TIAM1: variants seen among roughly 807,000 people sequenced by gnomAD.
TIAM1 encodes rho guanine nucleotide exchange factor TIAM1.
In TIAM1, 65 loss-of-function variants were observed where a neutral mutation model predicts 163.5. The observed-to-expected ratio is 0.40, with a 90% confidence interval of 0.33 to 0.49. The LOEUF (loss-of-function observed/expected upper bound fraction) is 0.49, where lower values mean the gene tolerates loss of function less well. Ranked by LOEUF, TIAM1 falls within the 20% of genes least tolerant of loss-of-function variation. The pLI, the probability that TIAM1 is intolerant of heterozygous loss-of-function variation, is 0.77. For synonymous variants in TIAM1, 833 were observed against 810.1 expected, an observed-to-expected ratio of 1.03 and a Z score of -0.48; for missense variants, 1,789 against 2,044.7, an observed-to-expected ratio of 0.87 and a Z score of 2.41.
chr21:31,132,491 A>G (rs1794878195), intron 23 of TIAM1, among the ~76,000 whole-genome samples: 1 of 152,156 alleles, frequency 6.6e-6, no homozygotes, highest in South Asian at 2.1e-4. Flanking sequence ...TATTCCCACT[A>G]TGAAGCCTTC....
At chr21:31,451,718 C>T (rs580109) in intron 2 of TIAM1, among the ~76,000 whole-genome samples, 1,954 of 142,192 alleles carry the variant, frequency 0.014, 56 homozygotes, top group East Asian at 0.13. Flanking sequence ...CATGTGTGTG[C>T]GTGTGTGTGT....
intron 1 of TIAM1, among the ~76,000 whole-genome samples, chr21:31,488,802 C>T (rs902612591): frequency 6.6e-6 from 1 of 151,348 alleles, no homozygotes; most frequent in East Asian, 1.9e-4. Flanking sequence ...TGGGTGGGGA[C>T]ACAAATCTTA....
chr21:31,524,203 TC>T (rs2047702325), intron 1 of TIAM1, among the ~76,000 whole-genome samples: 1 of 152,152 alleles, frequency 6.6e-6, no homozygotes, highest in African/African-American at 2.4e-5. Context: ...GGCTCATGGT[TC>T]TGCAGATTGT....
intron 2 of TIAM1, among the ~76,000 whole-genome samples, chr21:31,277,696 G>A (rs532892702): frequency 2.9e-4 from 44 of 152,176 alleles, no homozygotes; most frequent in Admixed American, 1.3e-3. Context: ...GCAACCCTCG[G>A]GGCTGCTCTG....
intron 2 of TIAM1, among the ~76,000 whole-genome samples, chr21:31,436,900 C>A (rs2044228981): frequency 6.6e-6 from 1 of 151,804 alleles, no homozygotes; most frequent in African/African-American, 2.4e-5. Flanking sequence ...GGAGGTTGCA[C>A]TGAGCTGAGA....
intron 2 of TIAM1, among the ~76,000 whole-genome samples, chr21:31,334,448 G>A (rs1479932552): frequency 5.9e-5 from 9 of 152,118 alleles, no homozygotes; most frequent in African/African-American, 1.7e-4. Flanking sequence ...CACTGCACTC[G>A]GCTGTTCTTC....
At chr21:31,481,881 T>C (rs1462767043) in intron 1 of TIAM1, among the ~76,000 whole-genome samples, 3 of 151,946 alleles carry the variant, frequency 2.0e-5, no homozygotes, top group Non-Finnish European at 4.4e-5. Flanking sequence ...CCCTCTCTCC[T>C]CTCCCTAAGG....
chr21:31,247,331 T>C (rs1457027924), intron 5 of TIAM1, among the ~76,000 whole-genome samples: 1 of 152,016 alleles, frequency 6.6e-6, no homozygotes, highest in Non-Finnish European at 1.5e-5. Flanking sequence ...AAATGAAAGA[T>C]AAAGTTTTAT....
chr21:31,389,359 C>T (rs1189482737), intron 2 of TIAM1, among the ~76,000 whole-genome samples: 1 of 152,162 alleles, frequency 6.6e-6, no homozygotes, highest in Non-Finnish European at 1.5e-5. Flanking sequence ...CAGGTGCCTT[C>T]CACCACACCC....
chr21:31,387,634 G>A (rs1034904176), intron 2 of TIAM1, among the ~76,000 whole-genome samples: 2 of 151,674 alleles, frequency 1.3e-5, no homozygotes, highest in Non-Finnish European at 2.9e-5. Context: ...CAAGGATGAA[G>A]GGGAAGACCA....
intron 2 of TIAM1, among the ~76,000 whole-genome samples, chr21:31,374,112 C>T (rs1348171030): frequency 6.6e-6 from 1 of 152,080 alleles, no homozygotes; most frequent in Non-Finnish European, 1.5e-5. Context: ...AAATTCTGTA[C>T]CAATTACAGA....
chr21:31,301,869 T>TAAAC (rs1569187925), intron 2 of TIAM1, among the ~76,000 whole-genome samples: 1 of 147,802 alleles, frequency 6.8e-6, no homozygotes, highest in South Asian at 2.1e-4. Context: ...GATAAATAAA[T>TAAAC]AAATAAAATA....
intron 2 of TIAM1, among the ~76,000 whole-genome samples, chr21:31,295,470 A>C (rs1331124639): frequency 5.8e-5 from 3 of 52,026 alleles, no homozygotes; most frequent in Non-Finnish European, 1.0e-4. Flanking sequence ...ACTCCATCAC[A>C]AAAAAAAAAA....
intron 1 of TIAM1, among the ~76,000 whole-genome samples, chr21:31,507,366 C>T (rs952657776): frequency 2.0e-5 from 3 of 150,900 alleles, no homozygotes; most frequent in Admixed American, 6.6e-5. Context: ...CACCATGCCC[C>T]GCTAATTTTT....
In TIAM1 at chr21:31,223,535, G is replaced by T. The variant is rs150044437; in HGVS notation, c.1866C>A (p.Arg622=). ...CACCCTGAAGGCTGGCTAAATAACAGCGGAAACGAAACAGGTCCATTTGGA... is the reference window on the plus strand; with the variant it reads ...CACCCTGAAGGCTGGCTAAATAACATCGGAAACGAAACAGGTCCATTTGGA... The part of the protein sequence containing the change: ...EQFQMDLFRF[R]CYLASLQGGE... Residue 622 remains arginine (R), a synonymous_variant, in exon 8 of 28, where the codon CGC becomes CGA. Coordinates refer to ENST00000541036, the MANE Select transcript of TIAM1 (RefSeq NM_001353694.2). 6 of 1,613,474 alleles carry T rather than the reference G, an allele frequency of 3.7e-6. No individual in the cohort carries two copies. In the African/African-American group the frequency reaches 8.0e-5, roughly 22 times the overall value.
chr21:31,303,381 C>A (rs1007718454), intron 2 of TIAM1, among the ~76,000 whole-genome samples: 2 of 152,156 alleles, frequency 1.3e-5, no homozygotes, highest in African/African-American at 4.8e-5. Flanking sequence ...ATTCACAGAT[C>A]TGGCAGATTC....
At chr21:31,130,180 T>C (rs1208681193) in intron 25 of TIAM1, 33 bp downstream of exon 25, 1 of 1,561,366 alleles carries the variant, frequency 6.4e-7, no homozygotes, top group Admixed American at 1.7e-5. Context: ...CAGAAATATG[T>C]GTGTGAAATA....
At chr21:31,327,014 C>T (rs189412911) in intron 2 of TIAM1, among the ~76,000 whole-genome samples, 60 of 152,276 alleles carry the variant, frequency 3.9e-4, no homozygotes, top group African/African-American at 1.3e-3. Context: ...GTTCCGGCCG[C>T]GATTTAACAT....
At chr21:31,133,014 A>G (rs2082477591) in intron 23 of TIAM1, among the ~76,000 whole-genome samples, 1 of 152,200 alleles carries the variant, frequency 6.6e-6, no homozygotes, top group Non-Finnish European at 1.5e-5. Flanking sequence ...AAGCTGCACT[A>G]TTTCCTGAGG....
Sources: allele counts gnomAD v4.1 joint callset (sites outside exome capture counted in the v4.1 genomes callset), GRCh38; gene constraint gnomAD v4.1.1; transcripts MANE v1.5; gene names NCBI Gene and HGNC (gene_info 2026-07-23, HGNC 2026-07-21).